Variants in PTDSS2 observed in about 807,000 individuals in gnomAD.
PTDSS2 encodes PSS-2.
Under a neutral mutation model 64.7 loss-of-function variants are expected in PTDSS2, and 41 were observed. The observed-to-expected ratio is 0.63, with a 90% CI of 0.49 to 0.82. The LOEUF (loss-of-function observed/expected upper bound fraction) is 0.82, where lower values mean the gene tolerates loss of function less well. PTDSS2 is among the 40% of genes least tolerant of loss of function. The pLI, the probability that PTDSS2 is intolerant of heterozygous loss-of-function variation, is 0.00. For synonymous variants in PTDSS2, 297 were observed against 277.8 expected, an observed-to-expected ratio of 1.07 and a Z score of -0.69; for missense variants, 485 against 650.0, an observed-to-expected ratio of 0.75 and a Z score of 2.76.
rs528060269 is a variant in PTDSS2 at position 470,492 on chromosome 11, G to T, written c.285-3403G>T. 5.8e-4 allele frequency among the ~76,000 whole-genome samples: 89 copies of T among 152,350 alleles called. No individual in the cohort carries two copies. Among genetic ancestry groups the T allele is most frequent in the African/African-American group, 1.9e-3 (81 of 41,584 alleles). On this transcript the variant is annotated intron_variant, in intron 2 of 11. Transcript: ENST00000308020. This position sits in a 1 kb window ranked among gnomAD's most constrained non-coding sequence, Gnocchi z 5.3. Reference sequence around the variant, plus strand: ...GGCTTCCAGGAAGAGATTGTTGGGGGCGGGGCAGGGGGAAGGACATCAGGG... The same window carrying T: ...GGCTTCCAGGAAGAGATTGTTGGGGTCGGGGCAGGGGGAAGGACATCAGGG...
At position 490,820 on chromosome 11, in the gene PTDSS2, A is replaced by G. The variant is rs1848651542; in HGVS notation, c.*238A>G. The stretch of plus-strand genomic sequence containing the variant: ...TGTACGCGTGTGTACGCGCGTGTGT[A>G]CACATGCGTGGCCGCCTGTGGTGTG... On this transcript the variant is annotated 3_prime_UTR_variant, in exon 12 of 12. Coordinates refer to ENST00000308020, the MANE Select transcript of PTDSS2 (RefSeq NM_030783.3). 4.5e-6 allele frequency: 2 copies of G among 448,560 alleles called. No individual in the cohort carries two copies. The highest frequency in any genetic ancestry group is 3.2e-5 in the South Asian group (1 of 31,532). The allele number at this position is 448,560 out of a possible 1,614,324, so 27.8% of individuals were successfully genotyped here.
chr11:452,380 C>T (rs1428309625), intron 1 of PTDSS2, among the ~76,000 whole-genome samples: 1 of 152,248 alleles, frequency 6.6e-6, no homozygotes, highest in African/African-American at 2.4e-5. Context: ...CCAGGGGGCA[C>T]ATGCAAGCCT....
Position 462,708 on chromosome 11 carries a change from G to A in PTDSS2, c.284+2420G>A, listed in dbSNP as rs150350257. Among the ~76,000 whole-genome samples, 1 of 152,180 alleles carries A rather than the reference G, an allele frequency of 6.6e-6. No individual in the cohort carries two copies. Among genetic ancestry groups the A allele is most frequent in the Non-Finnish European group, 1.5e-5 (1 of 68,014 alleles). On this transcript the variant is annotated intron_variant, in intron 2 of 11. Transcript: ENST00000308020. This position sits in a 1 kb window ranked among gnomAD's most constrained non-coding sequence, Gnocchi z 4.5. ...ACACCAGAAGCCCAGCTCCTGGGCA[G>A]CCACCCTACCTGCCCCTACGCAGGG... is the stretch of plus-strand genomic sequence containing the variant.
At chr11:477,565 T>C (rs1164058627) in intron 3 of PTDSS2, among the ~76,000 whole-genome samples, 1 of 152,166 alleles carries the variant, frequency 6.6e-6, no homozygotes, top group African/African-American at 2.4e-5. Context: ...GCCACCTTTC[T>C]GATCTGGGGA....
intron 1 of PTDSS2, among the ~76,000 whole-genome samples, chr11:451,782 A>G (rs1203533118): frequency 9.9e-5 from 15 of 152,118 alleles, no homozygotes; most frequent in Admixed American, 9.8e-4. Flanking sequence ...GAGACTGTCC[A>G]AGTGGTGGGA....
intron 1 of PTDSS2, among the ~76,000 whole-genome samples, chr11:456,778 G>A (rs1846616241): frequency 6.6e-6 from 1 of 152,196 alleles, no homozygotes; most frequent in Admixed American, 6.5e-5. Context: ...ATTGTGGGCA[G>A]GTCTCTCAGT....
intron 4 of PTDSS2, among the ~76,000 whole-genome samples, chr11:483,878 G>A (rs1413330490): frequency 2.6e-5 from 4 of 152,178 alleles, no homozygotes; most frequent in Non-Finnish European, 4.4e-5. Context: ...TCACCATGAC[G>A]TATCCCTGGC....
chr11:487,246 C>T, intron 5 of PTDSS2, 173 bp downstream of exon 5: 1 of 939,470 alleles, frequency 1.1e-6, no homozygotes, highest in Non-Finnish European at 1.6e-6. Context: ...GCAGGGGGCC[C>T]CTGCTCTCTA....
intron 2 of PTDSS2, among the ~76,000 whole-genome samples, chr11:469,059 A>G (rs1202352437): frequency 4.0e-4 from 34 of 84,680 alleles, no homozygotes; most frequent in South Asian, 5.4e-4. Context: ...CTGGGTAATC[A>G]GAGGGAGGAG....
chr11:466,127 A>G (rs1054493267), intron 2 of PTDSS2, among the ~76,000 whole-genome samples: 1 of 152,172 alleles, frequency 6.6e-6, no homozygotes, highest in Non-Finnish European at 1.5e-5. Context: ...TAATCCCAGC[A>G]CTTTGGGAGG....
At chr11:469,219 G>T (rs1366714829) in intron 2 of PTDSS2, among the ~76,000 whole-genome samples, 1 of 122,382 alleles carries the variant, frequency 8.2e-6, no homozygotes, top group Non-Finnish European at 1.7e-5. Flanking sequence ...CTGGGTAATC[G>T]GAAGGAGGAG....
intron 2 of PTDSS2, among the ~76,000 whole-genome samples, chr11:464,483 G>A (rs1847053198): frequency 6.6e-6 from 1 of 151,888 alleles, no homozygotes; most frequent in African/African-American, 2.4e-5. Flanking sequence ...TCTCCCCTGC[G>A]CTCAGAGTGC....
chr11:475,120 AC>A (rs1847696814), intron 3 of PTDSS2, among the ~76,000 whole-genome samples: 1 of 91,750 alleles, frequency 1.1e-5, no homozygotes, highest in African/African-American at 4.9e-5. Flanking sequence ...TTTGTGTGAT[AC>A]GGACATATTC....
At chr11:459,972 C>G (rs1327589041) in intron 1 of PTDSS2, 1 of 547,342 alleles carries the variant, frequency 1.8e-6, no homozygotes, top group Non-Finnish European at 3.3e-6. Context: ...TCCTGTCCAG[C>G]CTCCTGGGGG....
intron 4 of PTDSS2, among the ~76,000 whole-genome samples, chr11:484,680 G>A (rs1184900154): frequency 6.0e-5 from 9 of 149,252 alleles, no homozygotes; most frequent in African/African-American, 1.7e-4. Context: ...TAAACTGCAC[G>A]GGCGTGTGTG....
intron 2 of PTDSS2, among the ~76,000 whole-genome samples, chr11:473,034 A>G (rs1385027235): frequency 6.6e-6 from 1 of 152,226 alleles, no homozygotes; most frequent in Non-Finnish European, 1.5e-5. Flanking sequence ...GCGCGTCCGC[A>G]GAGCGGGTCC....
In PTDSS2 at chr11:489,887, C is replaced by A; in HGVS notation, c.1120C>A (p.Pro374Thr). Residue 374 changes from proline (P) to threonine (T), a missense_variant, in exon 11 of 12, where the codon CCC becomes ACC. By Grantham distance (38) the Pro-to-Thr change is conservative (BLOSUM62 -1). Coordinates refer to ENST00000308020, the MANE Select transcript of PTDSS2 (RefSeq NM_030783.3). The stretch of plus-strand genomic sequence containing the variant: ...AACCCCCTGCTGCCCCTGCAGGAAG[C>A]CCCACAAGAAGCTGGGCCCGCAGGC... Reference protein sequence around the residue: ...EIYDFMDDPKPHKKLGPQAWL... With the variant: ...EIYDFMDDPKTHKKLGPQAWL... The A allele has an allele frequency of 6.3e-7, 1 of 1,585,920 alleles. No homozygotes were observed. The highest frequency in any genetic ancestry group is 8.6e-7 in the Non-Finnish European group (1 of 1,168,546).
chr11:485,594 C>T (rs1373105508), intron 4 of PTDSS2, among the ~76,000 whole-genome samples: 2 of 120,626 alleles, frequency 1.7e-5, no homozygotes, highest in Admixed American at 1.7e-4. Context: ...GTAAACTGCA[C>T]GGGCGCGTGT....
At chr11:487,767 C>G (rs1203518747) in intron 6 of PTDSS2, among the ~76,000 whole-genome samples, 1 of 152,226 alleles carries the variant, frequency 6.6e-6, no homozygotes, top group South Asian at 2.1e-4. Context: ...CTGAGGGACC[C>G]TGTGCTACCT....
Sources: gnomAD v4.1 joint callset for allele counts (sites outside exome capture counted in the v4.1 genomes callset) on GRCh38, gnomAD v4.1.1 for gene constraint, Gnocchi (gnomAD v3.1) non-coding constraint, MANE v1.5 for transcripts, NCBI Gene and HGNC (gene_info 2026-07-23, HGNC 2026-07-21) for gene names.